Variants in YAF2 observed in about 807,000 individuals in gnomAD.
YAF2 encodes YY1 associated factor 2, also known as YY1-associated factor 2.
Under a neutral mutation model 20.1 loss-of-function variants are expected in YAF2, and 7 were observed. The observed-to-expected ratio is 0.35, with a 90% confidence interval of 0.20 to 0.65. YAF2 has a LOEUF of 0.65. YAF2 is among the 30% of genes least tolerant of loss of function. The probability of loss-of-function intolerance (pLI) is 0.69; values close to 1 mark genes in which losing one functional copy is unlikely to be tolerated. For synonymous variants in YAF2, 74 were observed against 76.0 expected (o/e 0.97, Z 0.14); for missense variants, 151 against 219.2 (o/e 0.69, Z 1.96).
intron 2 of YAF2, among the ~76,000 whole-genome samples, chr12:42,207,693 C>T (rs2067086428): frequency 6.6e-6 from 1 of 151,594 alleles, no homozygotes; most frequent in Non-Finnish European, 1.5e-5. Context: ...GCGATCAAGA[C>T]CATCCTGGCT....
At chr12:42,228,002 C>A (rs1453611460) in intron 2 of YAF2, among the ~76,000 whole-genome samples, 13 of 135,734 alleles carry the variant, frequency 9.6e-5, no homozygotes, top group Non-Finnish European at 1.4e-4. Flanking sequence ...TGGCCAGCCG[C>A]CCCGTCCAGG....
intron 2 of YAF2, among the ~76,000 whole-genome samples, chr12:42,226,063 T>C (rs2137345455): frequency 6.6e-6 from 1 of 152,294 alleles, no homozygotes; most frequent in Non-Finnish European, 1.5e-5. Context: ...TGAGCAGTGG[T>C]TTGTAGTTCT....
chr12:42,219,323 T>C (rs2067448472), intron 2 of YAF2, among the ~76,000 whole-genome samples: 1 of 152,206 alleles, frequency 6.6e-6, no homozygotes, highest in African/African-American at 2.4e-5. Context: ...TCTCTCCTCT[T>C]TACCCTCTTA....
chr12:42,203,490 A>G (rs80327846), intron 2 of YAF2, among the ~76,000 whole-genome samples: 1,596 of 152,248 alleles, frequency 0.01, 29 homozygotes, highest in African/African-American at 0.037. Context: ...GAATGTTTCC[A>G]AAGTTTCACT....
intron 2 of YAF2, among the ~76,000 whole-genome samples, chr12:42,228,057 T>C (rs866523022): frequency 0.03 from 2,069 of 69,230 alleles, 12 homozygotes; most frequent in Admixed American, 0.038. Context: ...CCGCCCCGTC[T>C]GGGAGGTGAG....
intron 2 of YAF2, among the ~76,000 whole-genome samples, chr12:42,173,375 C>T (rs1462750769): frequency 6.6e-6 from 1 of 152,180 alleles, no homozygotes; most frequent in Non-Finnish European, 1.5e-5. Context: ...CTAAGATAGT[C>T]CTTGGTAAGC....
intron 2 of YAF2, chr12:42,237,297 C>T (rs578060917): frequency 1.0e-3 from 684 of 676,948 alleles, no homozygotes; most frequent in Non-Finnish European, 1.2e-3. Context: ...ATTTTTATAC[C>T]CAGAATGGGG....
At chr12:42,167,599 T>A (rs939588653) in intron 2 of YAF2, among the ~76,000 whole-genome samples, 5 of 152,234 alleles carry the variant, frequency 3.3e-5, no homozygotes, top group Non-Finnish European at 7.3e-5. Context: ...AATACACATA[T>A]CCTGTAACTA....
At chr12:42,197,087 G>T (rs1029408593) in intron 2 of YAF2, among the ~76,000 whole-genome samples, 1 of 152,102 alleles carries the variant, frequency 6.6e-6, no homozygotes, top group East Asian at 1.9e-4. Flanking sequence ...GAATTTTTTC[G>T]AAAATTAGTG....
rs1389483126 is a variant in YAF2 at position 42,238,237 on chromosome 12, AAGG to A, written c.-60_-58del. 2 of 1,255,406 alleles carry A rather than the reference AAGG, an allele frequency of 1.6e-6. No individual in the cohort carries two copies. The highest frequency in any genetic ancestry group is 2.1e-6 in the Non-Finnish European group (2 of 968,290). The allele number at this position is 1,255,406 out of a possible 1,614,324, so 77.8% of individuals were successfully genotyped here. On this transcript the variant is annotated 5_prime_UTR_variant, in exon 1 of 4. Transcript: ENST00000534854. Reference sequence around the variant, plus strand: ...CGCCGCGACCGCTCTGTTTGTCAATAAGGAGGATAATAAGCCGGGCGGAAGCGG... The same window carrying A: ...CGCCGCGACCGCTCTGTTTGTCAATAAGGATAATAAGCCGGGCGGAAGCGG...
chr12:42,183,749 T>G (rs2066403017), intron 2 of YAF2, among the ~76,000 whole-genome samples: 1 of 152,208 alleles, frequency 6.6e-6, no homozygotes, highest in Admixed American at 6.5e-5. Context: ...AGAGAGTTGA[T>G]AGAGGTGGCT....
intron 2 of YAF2, among the ~76,000 whole-genome samples, chr12:42,225,379 G>T (rs1051725493): frequency 3.3e-5 from 5 of 152,126 alleles, no homozygotes; most frequent in Non-Finnish European, 2.9e-5. Context: ...GATCTCATTT[G>T]TCAATTTTGG....
chr12:42,211,304 G>A (rs2067200845), intron 2 of YAF2, among the ~76,000 whole-genome samples: 1 of 151,794 alleles, frequency 6.6e-6, no homozygotes, highest in Non-Finnish European at 1.5e-5. Context: ...GTGCATGACT[G>A]TAATCCCAGC....
At chr12:42,236,112 T>C in intron 2 of YAF2, 1 of 1,391,220 alleles carries the variant, frequency 7.2e-7, no homozygotes, top group Non-Finnish European at 9.5e-7. Flanking sequence ...AAGATTATAA[T>C]TGTTTCCACT....
intron 2 of YAF2, among the ~76,000 whole-genome samples, chr12:42,228,037 G>A (rs1347439102): frequency 1.2e-4 from 12 of 97,254 alleles, no homozygotes; most frequent in Admixed American, 1.9e-4. Flanking sequence ...TCAGCCCTCC[G>A]CCCGGCCAGC....
At chr12:42,235,286 A>G (rs2068112603) in intron 2 of YAF2, 2 of 999,456 alleles carry the variant, frequency 2.0e-6, no homozygotes, top group African/African-American at 3.5e-5. Flanking sequence ...TAATAAGTCA[A>G]TTATGGAGAA....
At chr12:42,232,357 T>A (rs745622673) in intron 2 of YAF2, 8 of 883,002 alleles carry the variant, frequency 9.1e-6, no homozygotes, top group Non-Finnish European at 1.1e-5. Context: ...ATAGAAAGCT[T>A]CAACTAAAAA....
chr12:42,186,501 C>A (rs1282605941), intron 2 of YAF2, among the ~76,000 whole-genome samples: 1 of 152,062 alleles, frequency 6.6e-6, no homozygotes, highest in Non-Finnish European at 1.5e-5. Flanking sequence ...CGTGGTGAAA[C>A]CCCGTCTCTA....
At chr12:42,209,696 T>C (rs1226535587) in intron 2 of YAF2, among the ~76,000 whole-genome samples, 1 of 152,144 alleles carries the variant, frequency 6.6e-6, no homozygotes, top group East Asian at 1.9e-4. Flanking sequence ...AAGTATTTAC[T>C]TCAAAAAAGC....
Sources: gnomAD v4.1 joint callset for allele counts (sites outside exome capture counted in the v4.1 genomes callset) on GRCh38, gnomAD v4.1.1 for gene constraint, MANE v1.5 for transcripts, NCBI Gene and HGNC (gene_info 2026-07-23, HGNC 2026-07-21) for gene names.